Variants in BLTP1 observed in about 807,000 individuals in gnomAD.
BLTP1 encodes the protein fragile site-associated protein.
the BLTP1 span, chr4:122,270,357 G>A: frequency 1.0e-6 from 1 of 984,660 alleles, no homozygotes. Flanking sequence ...CCTTTTTACA[G>A]TTTTGGTGCT....
chr4:122,314,757 A>G, the BLTP1 span, among the ~76,000 whole-genome samples: 1 of 152,178 alleles, frequency 6.6e-6, no homozygotes, highest in African/African-American at 2.4e-5. Flanking sequence ...TCACAAATAA[A>G]TCTTCGTCAG....
chr4:122,212,772 CT>C, the BLTP1 span, among the ~76,000 whole-genome samples: 1 of 152,122 alleles, frequency 6.6e-6, no homozygotes, highest in Admixed American at 6.6e-5. Context: ...TTCATACAGA[CT>C]TTTGTGCATT....
the BLTP1 span, chr4:122,269,056 C>G: frequency 8.6e-6 from 8 of 932,284 alleles, no homozygotes; most frequent in Non-Finnish European, 9.0e-6. Flanking sequence ...ACCATCAAAT[C>G]CAGACCCAAA....
At chr4:122,326,018 C>A in the BLTP1 span, 1 of 304,584 alleles carries the variant, frequency 3.3e-6, no homozygotes. Context: ...TTAACTTAGA[C>A]CTCAGAAATA....
the BLTP1 span, chr4:122,221,633 G>T: frequency 5.6e-6 from 1 of 178,718 alleles, no homozygotes; most frequent in Non-Finnish European, 1.1e-5. Flanking sequence ...TCATCACAAA[G>T]ATCTCACATA....
chr4:122,164,830 T>G, the BLTP1 span, among the ~76,000 whole-genome samples: 6 of 152,086 alleles, frequency 3.9e-5, no homozygotes, highest in Non-Finnish European at 5.9e-5. Context: ...ATGTAAAGCT[T>G]CTTCTTGTGT....
chr4:122,172,047 A>G, the BLTP1 span: 90 of 615,212 alleles, frequency 1.5e-4, no homozygotes, highest in East Asian at 9.9e-3. Context: ...ATAATGGCAT[A>G]TCATCAAAAT....
chr4:122,250,511 C>A, the BLTP1 span: 2 of 1,613,758 alleles, frequency 1.2e-6, no homozygotes, highest in Non-Finnish European at 1.7e-6. Context: ...TGATGATAAT[C>A]TTCCATGTGA....
the BLTP1 span, among the ~76,000 whole-genome samples, chr4:122,255,737 A>G: frequency 6.6e-6 from 1 of 152,222 alleles, no homozygotes; most frequent in African/African-American, 2.4e-5. Context: ...AGGTGTTAGT[A>G]GAAGCTGTAG....
At chr4:122,354,561 G>A in the BLTP1 span, among the ~76,000 whole-genome samples, 1 of 151,578 alleles carries the variant, frequency 6.6e-6, no homozygotes, top group Admixed American at 6.6e-5. Context: ...TGGGATTTGG[G>A]TTTATAGTAT....
chr4:122,264,281 T>A, the BLTP1 span: 1 of 1,608,584 alleles, frequency 6.2e-7, no homozygotes, highest in Non-Finnish European at 8.5e-7. Context: ...AACAATACCC[T>A]CAGCCTCAGA....
At chr4:122,288,608 C>T in the BLTP1 span, 135 of 164,576 alleles carry the variant, frequency 8.2e-4, 2 homozygotes, top group African/African-American at 3.0e-3. Context: ...GCCAAGATTG[C>T]GCCACTGCAC....
At chr4:122,198,055 T>C in the BLTP1 span, 1 of 985,218 alleles carries the variant, frequency 1.0e-6, no homozygotes, top group Non-Finnish European at 1.2e-6. Context: ...TTCTTAGCTC[T>C]TGTTTCTTGG....
At chr4:122,284,548 A>G in the BLTP1 span, among the ~76,000 whole-genome samples, 4 of 152,264 alleles carry the variant, frequency 2.6e-5, no homozygotes, top group East Asian at 7.7e-4. Flanking sequence ...ATACATATAT[A>G]TGAATATATG....
the BLTP1 span, chr4:122,313,554 AAAATT>A: frequency 8.9e-7 from 1 of 1,126,628 alleles, no homozygotes. Flanking sequence ...TCTTGTGTGA[AAAATT>A]AAAGAGTACA....
At chr4:122,302,438 CTT>C in the BLTP1 span, among the ~76,000 whole-genome samples, 1 of 152,114 alleles carries the variant, frequency 6.6e-6, no homozygotes, top group Non-Finnish European at 1.5e-5. Flanking sequence ...ATATTTCAAA[CTT>C]TTTCATTAGT....
At chr4:122,153,158 C>CA in the BLTP1 span, 1 of 146,522 alleles carries the variant, frequency 6.8e-6, no homozygotes, top group Non-Finnish European at 1.1e-5. Flanking sequence ...TAGTTGTTGT[C>CA]GTTTTTTTTT....
chr4:122,196,942 A>C, the BLTP1 span: 1 of 508,072 alleles, frequency 2.0e-6, no homozygotes. Flanking sequence ...TATCATCATA[A>C]TTTTGTTAAA....
At chr4:122,166,802 T>C in the BLTP1 span, among the ~76,000 whole-genome samples, 51,801 of 151,960 alleles carry the variant, frequency 0.34, 9,623 homozygotes, top group East Asian at 0.59. Flanking sequence ...CCCTTGTAAG[T>C]TGGATTCCTA....
Sources: allele counts gnomAD v4.1 joint callset (sites outside exome capture counted in the v4.1 genomes callset), GRCh38; gene constraint gnomAD v4.1.1; transcripts MANE v1.5; gene names NCBI Gene and HGNC (gene_info 2026-07-23, HGNC 2026-07-21).